The following SPEN variants were observed in gnomAD, a reference collection of about 807,000 sequenced individuals.
SPEN encodes spen family transcriptional repressor.
In SPEN, 18 loss-of-function variants were observed where a neutral mutation model predicts 269.9. The observed-to-expected ratio is 0.07, with a 90% CI of 0.05 to 0.10. SPEN has a LOEUF of 0.10. Ranked by LOEUF, SPEN falls within the 10% of genes least tolerant of loss-of-function variation. SPEN has a pLI of 1.00. For missense variants in SPEN, 3,822 were observed against 4,631.2 expected, an observed-to-expected ratio of 0.83 and a Z score of 5.07; for synonymous variants, 1,726 against 1,765.7, an observed-to-expected ratio of 0.98 and a Z score of 0.56.
At chr1:15,893,584 C>T (rs766611205) in intron 3 of SPEN, among the ~76,000 whole-genome samples, 2 of 152,130 alleles carry the variant, frequency 1.3e-5, no homozygotes, top group East Asian at 3.8e-4. Flanking sequence ...CTCCTTGTCC[C>T]TGCAACTGCC....
intron 5 of SPEN, among the ~76,000 whole-genome samples, chr1:15,915,776 C>T (rs907084206): frequency 3.9e-5 from 6 of 152,098 alleles, no homozygotes; most frequent in African/African-American, 1.2e-4. Flanking sequence ...GGGGCTCCAG[C>T]GATCCTCCCA....
At chr1:15,901,649 C>CA (rs113563212) in intron 3 of SPEN, among the ~76,000 whole-genome samples, 3,309 of 51,794 alleles carry the variant, frequency 0.064, 106 homozygotes, top group Middle Eastern at 0.11. Flanking sequence ...GACTCCATCT[C>CA]AAAAAAAAAA....
At chr1:15,866,336 A>G (rs1350748159) in intron 1 of SPEN, among the ~76,000 whole-genome samples, 1 of 152,068 alleles carries the variant, frequency 6.6e-6, no homozygotes, top group Non-Finnish European at 1.5e-5. Context: ...AAGGAGGAAT[A>G]CATTAGTTTT....
At chr1:15,851,350 A>C (rs1205466309) in intron 1 of SPEN, among the ~76,000 whole-genome samples, 2 of 152,228 alleles carry the variant, frequency 1.3e-5, no homozygotes, top group Non-Finnish European at 2.9e-5. Context: ...TAAAAAAATT[A>C]AATGAGAACT....
chr1:15,895,049 A>G (rs2148720842), intron 3 of SPEN, among the ~76,000 whole-genome samples: 1 of 152,016 alleles, frequency 6.6e-6, no homozygotes, highest in South Asian at 2.1e-4. Context: ...CAGCCTCCTG[A>G]GTAGCTGGGA....
intron 1 of SPEN, among the ~76,000 whole-genome samples, chr1:15,867,732 C>G (rs1357607593): frequency 2.0e-5 from 3 of 150,032 alleles, no homozygotes; most frequent in Non-Finnish European, 4.4e-5. Context: ...TTTTTAGCTG[C>G]CCTAGTGGGT....
chr1:15,874,447 ACT>A (rs2070611849), intron 2 of SPEN: 15 of 1,270,346 alleles, frequency 1.2e-5, no homozygotes, highest in South Asian at 1.4e-5. Flanking sequence ...CCCAAGTCAA[ACT>A]CTCTTTTTTT....
At position 15,931,377 on chromosome 1, in the gene SPEN, G is replaced by A; in HGVS notation, c.5137G>A (p.Ala1713Thr). Reference protein sequence around the residue: ...PPGADPDKEAAMMPAGVEEGS... With the variant: ...PPGADPDKEATMMPAGVEEGS... ...AGGAGCAGACCCCGATAAAGAAGCT[G>A]CCATGATGCCTGCGGGTGTTGAGGA... Residue 1713 changes from alanine to threonine, a missense_variant, in exon 11 of 15, where the codon GCC becomes ACC. Around this residue, in one of 16 missense-constraint regions of SPEN, gnomAD observed 533 missense variants for 618.8 expected, o/e 0.86. Coordinates refer to ENST00000375759, the MANE Select transcript of SPEN (RefSeq NM_015001.3). The surrounding 1 kb of genome is among the most constrained non-coding windows in gnomAD (Gnocchi z 4.8). 6.2e-7 allele frequency: 1 copy of A among 1,614,180 alleles called. No individual in the cohort carries two copies. Among genetic ancestry groups the A allele is most frequent in the Non-Finnish European group, 8.5e-7 (1 of 1,180,026 alleles).
Position 15,848,140 on chromosome 1 carries a change from C to A in SPEN, c.73C>A (p.His25Asn). Residue 25 changes from histidine (H) to asparagine (N), a missense_variant, in exon 1 of 15, where the codon CAT becomes AAT. Transcript: ENST00000375759. The surrounding 1 kb of genome is among the most constrained non-coding windows in gnomAD (Gnocchi z 5.1). ...CGTGCGGGAAGAGAAGATCATCGAG[C>A]ATTTCAAACGGTGAGTGACACGAGG... is the stretch of plus-strand genomic sequence containing the variant. Reference protein sequence around the residue: ...ENVREEKIIEHFKRYGRVESV... With the variant: ...ENVREEKIIENFKRYGRVESV... The A allele has an allele frequency of 1.3e-6, 2 of 1,492,226 alleles. No individual in the cohort carries two copies. The highest frequency in any genetic ancestry group is 1.8e-6 in the Non-Finnish European group (2 of 1,112,202). 92.4% of individuals were successfully genotyped at this position (1,492,226 alleles called of 1,614,324 possible). A position where few individuals can be genotyped will look rare whatever the true frequency, so the allele number is the denominator to read the frequency against.
In SPEN at chr1:15,911,145, G is replaced by A; in HGVS notation, c.1087G>A (p.Gly363Arg). The A allele has an allele frequency of 6.2e-7, 1 of 1,613,738 alleles. No individual in the cohort carries two copies. The highest frequency in any genetic ancestry group is 8.5e-7 in the Non-Finnish European group (1 of 1,179,896). Residue 363 changes from glycine to arginine, a missense_variant, in exon 5 of 15, where the codon GGA becomes AGA. By Grantham distance (125) the Gly-to-Arg change is moderately radical (BLOSUM62 -2). Around this residue, in one of 16 missense-constraint regions of SPEN, gnomAD observed 230 missense variants for 426.1 expected, o/e 0.54. Transcript: ENST00000375759. Reference sequence around the variant, plus strand: ...CCTTTTCCATGAATTTAAGAAATTTGGAAAAGTAACTTCAGTGCAGATACA... The same window carrying A: ...CCTTTTCCATGAATTTAAGAAATTTAGAAAAGTAACTTCAGTGCAGATACA... ...DGLFHEFKKFGKVTSVQIHGT... is the reference protein window; with the variant it reads ...DGLFHEFKKFRKVTSVQIHGT...
Position 15,937,446 on chromosome 1 carries a change from T to A in SPEN, c.10310T>A (p.Val3437Asp). ...ACTTCCTTCCCCTCCCCTGTGTCTG[T>A]CTCCATGAAGCCTGACCTTCCAGTC... ...GPTSFPSPVS[V>D]SMKPDLPVSL... The change falls in exon 12 of 15, where the codon GTC becomes GAC. Residue 3437 changes from valine to aspartate, a missense_variant. Physicochemically the swap from Val to Asp is radical, Grantham distance 152. Coordinates refer to ENST00000375759, the MANE Select transcript of SPEN (RefSeq NM_015001.3). This position sits in a 1 kb window ranked among gnomAD's most constrained non-coding sequence, Gnocchi z 5.7. 6.2e-7 allele frequency: 1 copy of A among 1,613,616 alleles called. No homozygotes were observed. Among genetic ancestry groups the A allele is most frequent in the Admixed American group, 1.7e-5 (1 of 59,996 alleles).
Position 15,929,401 on chromosome 1 carries a change from T to G in SPEN, c.3161T>G (p.Leu1054Arg), listed in dbSNP as rs921726644. The change falls in exon 11 of 15, where the codon CTG (leucine) becomes CGG (arginine). Residue 1054 changes from leucine to arginine, a missense_variant. Physicochemically the swap from Leu to Arg is moderately radical, Grantham distance 102. Around this residue, in one of 16 missense-constraint regions of SPEN, gnomAD observed 572 missense variants for 582.6 expected, o/e 0.98. Coordinates refer to ENST00000375759, the MANE Select transcript of SPEN (RefSeq NM_015001.3). The surrounding 1 kb of genome is among the most constrained non-coding windows in gnomAD (Gnocchi z 5.8). ...AAAAGAGAATCTAAAAAAATCAAAC[T>G]GGACAGACTTAATACTGTTGCCAGC... ...ILKRESKKIK[L>R]DRLNTVASPK... 1.2e-6 allele frequency: 2 copies of G among 1,613,294 alleles called. No homozygotes were observed. Among genetic ancestry groups the G allele is most frequent in the Non-Finnish European group, 8.5e-7 (1 of 1,179,784 alleles).
chr1:15,850,539 C>G (rs1271875039), intron 1 of SPEN, among the ~76,000 whole-genome samples: 1 of 152,112 alleles, frequency 6.6e-6, no homozygotes, highest in Non-Finnish European at 1.5e-5. Flanking sequence ...CACACTTCCT[C>G]CCCTCACCCC....
chr1:15,938,685 C>T lies in SPEN; in HGVS notation c.10705-33C>T, dbSNP rs2071305149. On this transcript the variant is annotated intron_variant, in intron 13 of 14. Transcript: ENST00000375759. ...TGTGGGCTGCTGTTTGACTAGGAGG[C>T]CCCTGCTCACTGGCAGCTGGCCTCT... 5 of 1,597,348 alleles carry T rather than the reference C, an allele frequency of 3.1e-6. No homozygotes were observed. In the African/African-American group the frequency reaches 4.0e-5, roughly 13 times the overall value.
In SPEN at chr1:15,848,400, G is replaced by A. The variant is rs1195988192; in HGVS notation, c.83+250G>A. Among the ~76,000 whole-genome samples the A allele has an allele frequency of 6.6e-6, 1 of 151,516 alleles. No homozygotes were observed. The highest frequency in any genetic ancestry group is 1.5e-5 in the Non-Finnish European group (1 of 67,826). ...GCCCCGGCGGCCGCGTCCGTGACGA[G>A]GGAGGTGACCGAGGCTCGGCCTCCA... On this transcript the variant is annotated intron_variant, in intron 1 of 14. Transcript: ENST00000375759. The surrounding 1 kb of genome is among the most constrained non-coding windows in gnomAD (Gnocchi z 5.1).
In SPEN at chr1:15,930,788, A is replaced by C; in HGVS notation, c.4548A>C (p.Lys1516Asn). 1 of 1,614,104 alleles carries C rather than the reference A, an allele frequency of 6.2e-7. No homozygotes were observed. The highest frequency in any genetic ancestry group is 8.5e-7 in the Non-Finnish European group (1 of 1,179,928). The change falls in exon 11 of 15, where the codon AAA (lysine) becomes AAC (asparagine). Residue 1516 changes from lysine (K) to asparagine (N), a missense_variant. Lys to Asn is a moderately conservative substitution (Grantham distance 94). Coordinates refer to ENST00000375759, the MANE Select transcript of SPEN (RefSeq NM_015001.3). The surrounding 1 kb of genome is among the most constrained non-coding windows in gnomAD (Gnocchi z 5.3). ...GKMDDKKEDHKEEEQERQELF... is the reference protein window; with the variant it reads ...GKMDDKKEDHNEEEQERQELF... ...TGGATGATAAGAAAGAGGACCATAA[A>C]GAAGAAGAGCAAGAGAGGCAGGAAT...
At position 15,932,679 on chromosome 1, in the gene SPEN, G is replaced by A. The variant is rs1186335110; in HGVS notation, c.6439G>A (p.Glu2147Lys). 10 of 1,614,132 alleles carry A rather than the reference G, an allele frequency of 6.2e-6. No homozygotes were observed. The highest frequency in any genetic ancestry group is 8.5e-6 in the Non-Finnish European group (10 of 1,180,022). The change falls in exon 11 of 15, where the codon GAA (glutamate) becomes AAA (lysine). Residue 2147 changes from glutamate (E) to lysine (K), a missense_variant. Glu to Lys is a moderately conservative substitution (Grantham distance 56, BLOSUM62 1). Coordinates refer to ENST00000375759, the MANE Select transcript of SPEN (RefSeq NM_015001.3). The surrounding 1 kb of genome is among the most constrained non-coding windows in gnomAD (Gnocchi z 4.2). ...LKSDPVDPDKEPEKEDVSASG... is the reference protein window; with the variant it reads ...LKSDPVDPDKKPEKEDVSASG... ...AAGTGATCCAGTTGATCCAGACAAG[G>A]AACCAGAGAAAGAAGACGTGTCTGC... is the stretch of plus-strand genomic sequence containing the variant.
At chr1:15,909,921 C>T (rs1040730322) in intron 4 of SPEN, among the ~76,000 whole-genome samples, 21 of 151,792 alleles carry the variant, frequency 1.4e-4, no homozygotes, top group East Asian at 9.7e-4. Context: ...GTCAGGAGAT[C>T]GAGACCATCC....
rs2148728087 is a variant in SPEN, at chr1:15,909,310, C to T, written c.882-11C>T. 6.3e-7 allele frequency: 1 copy of T among 1,595,784 alleles called. No individual in the cohort carries two copies. The highest frequency in any genetic ancestry group is 1.1e-5 in the South Asian group (1 of 87,548). On this transcript the variant is annotated splice_polypyrimidine_tract_variant and intron_variant, in intron 3 of 14. Transcript: ENST00000375759. ...TTTTCACTAAAGTTTGTTGTTGTTGCCTTTTTGCAGCAGTGATTCCAGCAG... is the reference window on the plus strand; with the variant it reads ...TTTTCACTAAAGTTTGTTGTTGTTGTCTTTTTGCAGCAGTGATTCCAGCAG...
Sources: allele counts gnomAD v4.1 joint callset (sites outside exome capture counted in the v4.1 genomes callset), GRCh38; gene constraint gnomAD v4.1.1; regional missense constraint gnomAD v4.1.1; non-coding constraint Gnocchi (gnomAD v3.1); transcripts MANE v1.5; gene names NCBI Gene and HGNC (gene_info 2026-07-23, HGNC 2026-07-21).